ZC3H8: variants seen among roughly 807,000 people sequenced by gnomAD.
ZC3H8 encodes the protein zinc finger CCCH domain-containing protein 8.
In ZC3H8, 27 loss-of-function variants were observed where a neutral mutation model predicts 42.5. The ratio of observed to expected loss-of-function variants is 0.64; its 90% CI spans 0.47 to 0.88. The LOEUF (loss-of-function observed/expected upper bound fraction) is 0.88. ZC3H8 is among the 40% of genes least tolerant of loss of function. The pLI is 0.00. For missense variants in ZC3H8, 277 were observed against 336.1 expected, an observed-to-expected ratio of 0.82 and a Z score of 1.37; for synonymous variants, 101 against 110.1, an observed-to-expected ratio of 0.92 and a Z score of 0.52.
At chr2:112,220,609 CT>C (rs1465554219) in intron 8 of ZC3H8, among the ~76,000 whole-genome samples, 2 of 152,108 alleles carry the variant, frequency 1.3e-5, no homozygotes. Context: ...ATCACCTGAG[CT>C]CGGGAGTTCA....
chr2:112,231,811 CAA>C, intron 7 of ZC3H8, 25 bp downstream of exon 7: 3 of 1,428,690 alleles, frequency 2.1e-6, no homozygotes, highest in East Asian at 2.4e-5. Context: ...AAAGAAAAAA[CAA>C]AAGATTATTA....
intron 8 of ZC3H8, among the ~76,000 whole-genome samples, chr2:112,229,679 T>C (rs771031946): frequency 6.6e-6 from 1 of 152,122 alleles, no homozygotes; most frequent in Non-Finnish European, 1.5e-5. Context: ...TATATATGCA[T>C]AAAAAATAAG....
intron 2 of ZC3H8, among the ~76,000 whole-genome samples, chr2:112,240,048 C>T (rs998985657): frequency 4.6e-5 from 7 of 152,290 alleles, no homozygotes; most frequent in African/African-American, 1.4e-4. Context: ...TTCCCTACAC[C>T]AGACAAGACT....
At chr2:112,254,733 G>T (rs1328683594) in intron 1 of ZC3H8, among the ~76,000 whole-genome samples, 175 bp downstream of exon 1, 1 of 152,208 alleles carries the variant, frequency 6.6e-6, no homozygotes, top group Non-Finnish European at 1.5e-5. Context: ...CTCCCACCCG[G>T]ACCCCGCACG....
intron 8 of ZC3H8, among the ~76,000 whole-genome samples, chr2:112,216,984 A>G (rs1189693344): frequency 2.0e-5 from 3 of 152,236 alleles, no homozygotes; most frequent in Admixed American, 2.0e-4. Flanking sequence ...TAATCCACTT[A>G]TCAAAAGAAA....
chr2:112,236,401 AG>A (rs1324095904), intron 4 of ZC3H8, among the ~76,000 whole-genome samples, 160 bp downstream of exon 4: 4 of 152,258 alleles, frequency 2.6e-5, no homozygotes, highest in Non-Finnish European at 2.9e-5. Flanking sequence ...GGAAGAACAC[AG>A]AGAACCCAGT....
chr2:112,220,423 G>T (rs1007522509), intron 8 of ZC3H8, among the ~76,000 whole-genome samples: 2 of 152,124 alleles, frequency 1.3e-5, no homozygotes, highest in Admixed American at 6.6e-5. Flanking sequence ...AGTTTGGCTG[G>T]ATATAAAATT....
chr2:112,230,327 T>C (rs529877652), intron 8 of ZC3H8, among the ~76,000 whole-genome samples: 3 of 152,324 alleles, frequency 2.0e-5, no homozygotes, highest in Admixed American at 6.5e-5. Context: ...AATTTTATGA[T>C]GATATGATTC....
intron 8 of ZC3H8, among the ~76,000 whole-genome samples, chr2:112,230,355 T>C (rs1013568902): frequency 2.0e-5 from 3 of 152,202 alleles, no homozygotes; most frequent in Admixed American, 1.3e-4. Context: ...TGGCACATAC[T>C]GTGGATAACT....
chr2:112,251,638 CA>C (rs1685953535), intron 1 of ZC3H8, among the ~76,000 whole-genome samples: 1 of 152,206 alleles, frequency 6.6e-6, no homozygotes. Context: ...TTATGACATA[CA>C]TACTAAAAGC....
chr2:112,236,780 C>T lies in ZC3H8; in HGVS notation c.371-85G>A, dbSNP rs1325201748. On this transcript the variant is annotated intron_variant, in intron 3 of 8. Coordinates refer to ENST00000409573, the MANE Select transcript of ZC3H8 (RefSeq NM_032494.3). Reference sequence around the variant, plus strand: ...AGAAGTACGGGGCCAGGTGCAGTGGCTCATGTCTGTAATCCCAGCTCTTTG... The same window carrying T: ...AGAAGTACGGGGCCAGGTGCAGTGGTTCATGTCTGTAATCCCAGCTCTTTG... The T allele has an allele frequency of 1.1e-5, 13 of 1,223,412 alleles. No individual in the cohort carries two copies. In the South Asian group the frequency reaches 1.4e-4, roughly 14 times the overall value. The allele number at this position is 1,223,412 out of a possible 1,614,324, so 75.8% of individuals were successfully genotyped here. A position where few individuals can be genotyped will look rare whatever the true frequency, so the allele number is the denominator to read the frequency against.
At position 112,245,159 on chromosome 2, in the gene ZC3H8, C is replaced by T. The variant is rs1163152743; in HGVS notation, c.156+5032G>A. The stretch of plus-strand genomic sequence containing the variant: ...ACACAAAACAGCCTTATTGCTGATA[C>T]AGAGAAATTGTATTGGTCTGGATAG... On this transcript the variant is annotated intron_variant, in intron 2 of 8. Transcript: ENST00000409573. 2.6e-5 allele frequency among the ~76,000 whole-genome samples: 4 copies of T among 152,242 alleles called. No individual in the cohort carries two copies. The East Asian group carries it at 5.8e-4, about 22-fold the overall frequency.
rs1686073985 is a variant in ZC3H8 at position 112,254,961 on chromosome 2, G to A, written c.21C>T (p.Phe7=). MDFENL[F]SKPPNPALGK... ...CGAGGGCCGGGTTGGGGGGTTTTGAGAAAAGATTCTCAAAATCCATGACCC... is the reference window on the plus strand; with the variant it reads ...CGAGGGCCGGGTTGGGGGGTTTTGAAAAAAGATTCTCAAAATCCATGACCC... Residue 7 remains phenylalanine, a synonymous_variant, in exon 1 of 9, where the codon TTC becomes TTT. Coordinates refer to ENST00000409573, the MANE Select transcript of ZC3H8 (RefSeq NM_032494.3). 3 of 1,612,312 alleles carry A rather than the reference G, an allele frequency of 1.9e-6. No homozygotes were observed. Among genetic ancestry groups the A allele is most frequent in the South Asian group, 2.2e-5 (2 of 90,762 alleles).
At chr2:112,228,250 C>T (rs1684932669) in intron 8 of ZC3H8, among the ~76,000 whole-genome samples, 1 of 152,120 alleles carries the variant, frequency 6.6e-6, no homozygotes, top group Non-Finnish European at 1.5e-5. Context: ...CCTTTGTAAT[C>T]CCAGAATTTG....
chr2:112,226,452 G>A (rs1684842968), intron 8 of ZC3H8, among the ~76,000 whole-genome samples: 1 of 151,866 alleles, frequency 6.6e-6, no homozygotes, highest in African/African-American at 2.4e-5. Flanking sequence ...AGCCAGGTGA[G>A]GTGGCGGGTG....
intron 4 of ZC3H8, among the ~76,000 whole-genome samples, chr2:112,234,800 AG>A: frequency 6.6e-6 from 1 of 152,008 alleles, no homozygotes; most frequent in African/African-American, 2.4e-5. Flanking sequence ...ACTCCATCTC[AG>A]GGAGAAAAAA....
chr2:112,229,344 G>C (rs974659064), intron 8 of ZC3H8, among the ~76,000 whole-genome samples: 2 of 152,118 alleles, frequency 1.3e-5, no homozygotes, highest in Admixed American at 6.5e-5. Flanking sequence ...TTTCTCCCTA[G>C]AGTTACAGTT....
intron 3 of ZC3H8, among the ~76,000 whole-genome samples, chr2:112,236,956 T>C (rs1173588303): frequency 1.1e-4 from 16 of 152,144 alleles, no homozygotes; most frequent in Non-Finnish European, 2.1e-4. Flanking sequence ...TCTGGGACTA[T>C]AGGCTAAGGC....
chr2:112,228,337 A>G (rs1378203862), intron 8 of ZC3H8, among the ~76,000 whole-genome samples: 2 of 152,146 alleles, frequency 1.3e-5, no homozygotes, highest in Non-Finnish European at 1.5e-5. Flanking sequence ...GCCTGTCTCT[A>G]CTAAAAATAA....
Sources: gnomAD v4.1 joint callset for allele counts (sites outside exome capture counted in the v4.1 genomes callset) on GRCh38, gnomAD v4.1.1 for gene constraint, MANE v1.5 for transcripts, NCBI Gene and HGNC (gene_info 2026-07-23, HGNC 2026-07-21) for gene names.